RANBP1: variants seen among roughly 807,000 people sequenced by gnomAD.
RANBP1 encodes the protein ran-specific GTPase-activating protein.
Under a neutral mutation model 31.4 loss-of-function variants are expected in RANBP1, and 16 were observed. That is an observed-to-expected ratio of 0.51 (90% CI 0.34 to 0.77). The LOEUF is 0.77. Ranked by LOEUF, RANBP1 falls within the 30% of genes least tolerant of loss-of-function variation. The pLI, the probability that RANBP1 is intolerant of heterozygous loss-of-function variation, is 0.01. For synonymous variants in RANBP1, 129 were observed against 140.5 expected (o/e 0.92, Z 0.58); for missense variants, 265 against 362.0 (o/e 0.73, Z 2.17).
intron 5 of RANBP1, chr22:20,126,597 G>T: frequency 6.5e-7 from 1 of 1,534,846 alleles, no homozygotes; most frequent in East Asian, 2.5e-5. Flanking sequence ...ATTGGAGTCC[G>T]GGCACTGCCT....
At chr22:20,118,326 G>A in intron 1 of RANBP1, 2 of 1,002,374 alleles carry the variant, frequency 2.0e-6, no homozygotes, top group Non-Finnish European at 2.4e-6. Flanking sequence ...ATGTGTTCTG[G>A]AAGACTCGAA....
chr22:20,122,151 G>T (rs769502482), intron 2 of RANBP1, 113 bp from the exon 3 acceptor site: 5 of 1,196,966 alleles, frequency 4.2e-6, no homozygotes, highest in Non-Finnish European at 5.9e-6. Context: ...GAAGGGCTGG[G>T]GCGTTCGTGG....
intron 2 of RANBP1, among the ~76,000 whole-genome samples, chr22:20,120,325 C>T (rs898944778): frequency 3.3e-5 from 5 of 152,082 alleles, no homozygotes; most frequent in African/African-American, 9.6e-5. Flanking sequence ...GATGCATTGC[C>T]GTAGCCCCTG....
intron 5 of RANBP1, 45 bp downstream of exon 5, chr22:20,126,413 C>T (rs1239041792): frequency 5.6e-6 from 9 of 1,613,506 alleles, no homozygotes; most frequent in Non-Finnish European, 6.8e-6. Context: ...CAGACTCACT[C>T]TGCATCTGAC....
In RANBP1 at chr22:20,117,016, G is replaced by A. The variant is rs1032816621; in HGVS notation, c.246+586G>A. On this transcript the variant is annotated intron_variant, in intron 1 of 5. Coordinates refer to ENST00000430524, the MANE Select transcript of RANBP1 (RefSeq NM_001278639.2). ...CCTGTCACAAGGGAAGTGCTCAGAG[G>A]GGAGGTGCTCACAGAGCCGGTGCAA... is the stretch of plus-strand genomic sequence containing the variant. The A allele has an allele frequency of 6.3e-6, 9 of 1,417,776 alleles. No homozygotes were observed. The Admixed American group carries it at 1.0e-4, about 16-fold the overall frequency. 87.8% of individuals were successfully genotyped at this position (1,417,776 alleles called of 1,614,324 possible). A position where few individuals can be genotyped will look rare whatever the true frequency, so the allele number is the denominator to read the frequency against.
At chr22:20,116,498 C>T (rs1452192302) in intron 1 of RANBP1, 68 bp downstream of exon 1, 3 of 1,612,618 alleles carry the variant, frequency 1.9e-6, no homozygotes, top group African/African-American at 2.7e-5. Flanking sequence ...GCCGCCCCAG[C>T]GCCCTCTTTC....
rs2050191279 is a variant in RANBP1 at position 20,122,387 on chromosome 22, G to A, written c.507G>A (p.Arg169=). Reference sequence around the variant, plus strand: ...GGGCCATCCGCCTCCTCATGCGGAGGGACAAGACCCTGAAGATCTGTGCCA... The same window carrying A: ...GGGCCATCCGCCTCCTCATGCGGAGAGACAAGACCCTGAAGATCTGTGCCA... ...EKGAIRLLMR[R]DKTLKICANH... is the part of the protein sequence containing the mutation. Residue 169 remains arginine, a synonymous_variant, in exon 3 of 6, where the codon AGG becomes AGA. Transcript: ENST00000430524. 1 of 1,612,880 alleles carries A rather than the reference G, an allele frequency of 6.2e-7. No homozygotes were observed. Among genetic ancestry groups the A allele is most frequent in the South Asian group, 1.1e-5 (1 of 91,090 alleles).
intron 1 of RANBP1, chr22:20,117,104 G>A (rs2050051139): frequency 1.4e-6 from 1 of 701,564 alleles, no homozygotes; most frequent in South Asian, 1.9e-5. Context: ...AACCTGCGAT[G>A]CTCAGGTCCG....
chr22:20,121,470 A>G (rs1205318167), intron 2 of RANBP1, among the ~76,000 whole-genome samples: 1 of 151,642 alleles, frequency 6.6e-6, no homozygotes, highest in Non-Finnish European at 1.5e-5. Context: ...GCTGGTCTCG[A>G]ACTCCCGACG....
At chr22:20,118,173 G>A in intron 1 of RANBP1, 18 of 1,001,946 alleles carry the variant, frequency 1.8e-5, no homozygotes, top group Non-Finnish European at 2.2e-5. Context: ...TGTTGGCTGC[G>A]GTGTCTGGTT....
At chr22:20,117,535 G>A in intron 1 of RANBP1, 1 of 1,367,758 alleles carries the variant, frequency 7.3e-7, no homozygotes, top group South Asian at 1.5e-5. Context: ...GGAAGAGCGG[G>A]CGGGCGGGAG....
chr22:20,126,778 T>A lies in RANBP1; in HGVS notation c.737-174T>A. The stretch of plus-strand genomic sequence containing the variant: ...AGTGCATCCACCTGGCTTCCTTTCG[T>A]CACTGAATTTCAAGAAGACAGACTC... On this transcript the variant is annotated intron_variant, in intron 5 of 5. Coordinates refer to ENST00000430524, the MANE Select transcript of RANBP1 (RefSeq NM_001278639.2). 3 of 1,331,034 alleles carry A rather than the reference T, an allele frequency of 2.3e-6. No homozygotes were observed. The South Asian group carries it at 4.2e-5, about 19-fold the overall frequency. The allele number at this position is 1,331,034 out of a possible 1,614,324, so 82.5% of individuals were successfully genotyped here. A position where few individuals can be genotyped will look rare whatever the true frequency, so the allele number is the denominator to read the frequency against.
Position 20,125,289 on chromosome 22 carries a change from C to T in RANBP1, c.542-19C>T, listed in dbSNP as rs184195447. 34 of 1,611,406 alleles carry T rather than the reference C, an allele frequency of 2.1e-5. No homozygotes were observed. The East Asian group carries it at 2.9e-4, about 14-fold the overall frequency. ...CTTTGCAGTCATCTCACCATCTTCA[C>T]GAGCTTCTCTCTCTTCAGTCACGCC... is the stretch of plus-strand genomic sequence containing the variant. On this transcript the variant is annotated intron_variant, in intron 3 of 5. Coordinates refer to ENST00000430524, the MANE Select transcript of RANBP1 (RefSeq NM_001278639.2).
At chr22:20,121,443 T>G (rs558242174) in intron 2 of RANBP1, among the ~76,000 whole-genome samples, 4 of 152,110 alleles carry the variant, frequency 2.6e-5, no homozygotes, top group African/African-American at 9.6e-5. Context: ...GAGAGGGGGT[T>G]TCTCCACGTT....
intron 1 of RANBP1, chr22:20,117,540 C>A: frequency 2.0e-6 from 1 of 510,748 alleles, no homozygotes; most frequent in South Asian, 2.0e-5. Flanking sequence ...AGCGGGCGGG[C>A]GGGAGGCGCC....
At chr22:20,118,042 G>A in intron 1 of RANBP1, 2 of 992,606 alleles carry the variant, frequency 2.0e-6, no homozygotes, top group Non-Finnish European at 2.4e-6. Context: ...TCTTTCCGTC[G>A]CCCACGCAGC....
chr22:20,117,528 A>G, intron 1 of RANBP1: 4 of 1,146,910 alleles, frequency 3.5e-6, no homozygotes, highest in Non-Finnish European at 4.4e-6. Flanking sequence ...GGCGGAGGGA[A>G]GAGCGGGCGG....
chr22:20,120,913 C>T (rs2050156796), intron 2 of RANBP1, among the ~76,000 whole-genome samples: 3 of 152,222 alleles, frequency 2.0e-5, no homozygotes, highest in Admixed American at 6.5e-5. Flanking sequence ...TTGGCCTGCA[C>T]CTGATCCATG....
At chr22:20,117,688 CA>C in intron 1 of RANBP1, 3 of 368,670 alleles carry the variant, frequency 8.1e-6, no homozygotes, top group Non-Finnish European at 9.5e-6. Flanking sequence ...CAAGCGGGGA[CA>C]GGGTGGGCGG....
Sources: allele counts gnomAD v4.1 joint callset (sites outside exome capture counted in the v4.1 genomes callset), GRCh38; gene constraint gnomAD v4.1.1; transcripts MANE v1.5; gene names NCBI Gene and HGNC (gene_info 2026-07-23, HGNC 2026-07-21).